The following RTCA variants were observed in gnomAD, a reference collection of about 807,000 sequenced individuals.
RTCA encodes RNA 3'-terminal phosphate cyclase, also known as RNA terminal phosphate cyclase domain 1.
Under a neutral mutation model 46.1 loss-of-function variants are expected in RTCA, and 37 were observed. The ratio of observed to expected loss-of-function variants is 0.80; its 90% CI spans 0.62 to 1.06. The LOEUF (loss-of-function observed/expected upper bound fraction) is 1.06, where lower values mean the gene tolerates loss of function less well. Ranked by LOEUF, RTCA falls within the 50% of genes least tolerant of loss-of-function variation. RTCA has a pLI of 0.00. For synonymous variants in RTCA, 164 were observed against 158.3 expected, an observed-to-expected ratio of 1.04 and a Z score of -0.27; for missense variants, 435 against 455.5, an observed-to-expected ratio of 0.95 and a Z score of 0.41.
At chr1:100,281,798 C>A (rs1252603295) in intron 8 of RTCA, among the ~76,000 whole-genome samples, 1 of 151,902 alleles carries the variant, frequency 6.6e-6, no homozygotes, top group Non-Finnish European at 1.5e-5. Flanking sequence ...CTCACTGCAA[C>A]CTCCGCCTCC....
At chr1:100,281,827 C>T (rs905200518) in intron 8 of RTCA, among the ~76,000 whole-genome samples, 1 of 152,072 alleles carries the variant, frequency 6.6e-6, no homozygotes, top group Non-Finnish European at 1.5e-5. Flanking sequence ...AGCAATCCTC[C>T]CACCGCAGCC....
At chr1:100,284,334 GATA>G (rs1666907913) in intron 8 of RTCA, among the ~76,000 whole-genome samples, 2 of 151,642 alleles carry the variant, frequency 1.3e-5, no homozygotes, top group East Asian at 3.9e-4. Context: ...TATTTTATCT[GATA>G]ATGTTATATG....
chr1:100,287,173 C>T lies in RTCA; in HGVS notation c.969C>T (p.Thr323=), dbSNP rs369616681. 1.1e-5 allele frequency: 17 copies of T among 1,583,664 alleles called. No homozygotes were observed. Among genetic ancestry groups the T allele is most frequent in the South Asian group, 2.3e-5 (2 of 85,794 alleles). Residue 323 remains threonine (T), a synonymous_variant, in exon 10 of 11, where the codon ACC becomes ACT. Transcript: ENST00000370128. ...GACCAGTTACACTCCATACGCAAAC[C>T]GCGATACATTTTGCTGAACAAATAG... The part of the protein sequence containing the change: ...KTGPVTLHTQ[T]AIHFAEQIAK...
chr1:100,266,223 C>T lies in RTCA; in HGVS notation c.-153C>T, dbSNP rs958500407. The stretch of plus-strand genomic sequence containing the variant: ...TTCGTTTCTGCTGACTCCAGTGTCC[C>T]GAGAGGCGCCGCTTCTTCCGCTTTC... On this transcript the variant is annotated 5_prime_UTR_variant, in exon 1 of 11. Transcript: ENST00000370128. 1 of 880,610 alleles carries T rather than the reference C, an allele frequency of 1.1e-6. No homozygotes were observed. 54.5% of individuals were successfully genotyped at this position (880,610 alleles called of 1,614,324 possible).
At chr1:100,266,709 G>A (rs1396678566) in intron 2 of RTCA, 85 bp downstream of exon 2, 9 of 1,174,626 alleles carry the variant, frequency 7.7e-6, no homozygotes, top group Non-Finnish European at 1.1e-5. Flanking sequence ...GGGAGTCCGA[G>A]TGGTGGAACC....
intron 9 of RTCA, among the ~76,000 whole-genome samples, chr1:100,286,548 T>A (rs1222594245): frequency 6.6e-6 from 1 of 152,122 alleles, no homozygotes; most frequent in Non-Finnish European, 1.5e-5. Context: ...AATATTGTTT[T>A]TATGGTCTGT....
Position 100,277,279 on chromosome 1 carries a change from T to A in RTCA, c.762T>A (p.Thr254=). 1 of 1,612,682 alleles carries A rather than the reference T, an allele frequency of 6.2e-7. No homozygotes were observed. The highest frequency in any genetic ancestry group is 8.5e-7 in the Non-Finnish European group (1 of 1,179,504). ...NGIIIIAETS[T]GCLFAGSSLG... Reference sequence around the variant, plus strand: ...ATAGAATTATTGCTGAGACCTCCACTGGCTGTTTGTTTGCTGGATCATCGC... The same window carrying A: ...ATAGAATTATTGCTGAGACCTCCACAGGCTGTTTGTTTGCTGGATCATCGC... Residue 254 remains threonine (T), a synonymous_variant, in exon 8 of 11, where the codon ACT becomes ACA. Coordinates refer to ENST00000370128, the MANE Select transcript of RTCA (RefSeq NM_003729.4).
chr1:100,268,028 G>A (rs1665882866), intron 2 of RTCA, 124 bp from the exon 3 acceptor site: 6 of 1,368,918 alleles, frequency 4.4e-6, no homozygotes, highest in Admixed American at 2.3e-5. Context: ...CACTGAAGAT[G>A]TGGCACTTAC....
At chr1:100,269,891 GTGTTCTCAT>G (rs1665990850) in intron 3 of RTCA, among the ~76,000 whole-genome samples, 1 of 152,048 alleles carries the variant, frequency 6.6e-6, no homozygotes. Flanking sequence ...CTGTGCCCAT[GTGTTCTCAT>G]TGTTCAACTG....
intron 9 of RTCA, among the ~76,000 whole-genome samples, chr1:100,285,621 T>C (rs1338544669): frequency 1.3e-5 from 2 of 152,154 alleles, no homozygotes; most frequent in Non-Finnish European, 2.9e-5. Flanking sequence ...CCTTTGCTAG[T>C]TTATTATGGT....
Position 100,291,455 on chromosome 1 carries a change from C to A in RTCA, c.1052C>A (p.Thr351Asn), listed in dbSNP as rs781053398. 1.2e-6 allele frequency: 2 copies of A among 1,612,268 alleles called. No individual in the cohort carries two copies. Among genetic ancestry groups the A allele is most frequent in the Non-Finnish European group, 1.7e-6 (2 of 1,179,326 alleles). ...GATGAAGAAGACGCCGCTAAAGATA[C>A]TTATATTATTGAATGCCAAGGAATT... Reference protein sequence around the residue: ...SEDEEDAAKDTYIIECQGIGM... With the variant: ...SEDEEDAAKDNYIIECQGIGM... The change falls in exon 11 of 11, where the codon ACT becomes AAT. Residue 351 changes from threonine (T) to asparagine (N), a missense_variant. Coordinates refer to ENST00000370128, the MANE Select transcript of RTCA (RefSeq NM_003729.4).
chr1:100,270,776 C>A, intron 4 of RTCA, 96 bp downstream of exon 4: 1 of 1,362,916 alleles, frequency 7.3e-7, no homozygotes, highest in Non-Finnish European at 1.0e-6. Flanking sequence ...TTGTGACTTT[C>A]TTGTTTATCT....
At chr1:100,281,280 T>C in intron 8 of RTCA, 1 of 534,202 alleles carries the variant, frequency 1.9e-6, no homozygotes, top group South Asian at 1.4e-5. Context: ...TTGTTTTGTC[T>C]GAGAAAATCT....
At chr1:100,270,437 G>C in intron 3 of RTCA, 120 bp from the exon 4 acceptor site, 1 of 1,186,340 alleles carries the variant, frequency 8.4e-7, no homozygotes, top group South Asian at 1.6e-5. Flanking sequence ...GCATATACCT[G>C]CCTTCACAGT....
At chr1:100,277,857 C>T (rs1437549036) in intron 8 of RTCA, among the ~76,000 whole-genome samples, 1 of 151,590 alleles carries the variant, frequency 6.6e-6, no homozygotes, top group African/African-American at 2.4e-5. Context: ...TCTTTTAATA[C>T]ACAATCCTCC....
At chr1:100,290,389 C>A (rs535473989) in intron 10 of RTCA, among the ~76,000 whole-genome samples, 3 of 152,222 alleles carry the variant, frequency 2.0e-5, no homozygotes, top group African/African-American at 7.2e-5. Context: ...TAGGTGTGCA[C>A]CACTGCACCT....
intron 4 of RTCA, 82 bp from the exon 5 acceptor site, chr1:100,273,312 A>T: frequency 1.2e-6 from 1 of 815,350 alleles, no homozygotes; most frequent in Non-Finnish European, 1.9e-6. Flanking sequence ...ACTAGCCAGC[A>T]AAGCGCTTTT....
rs77300480 is a variant in RTCA, at chr1:100,270,665, C to T, written c.399C>T (p.Ile133=). Residue 133 remains isoleucine (I), a synonymous_variant, in exon 4 of 11, where the codon ATC becomes ATT. Coordinates refer to ENST00000370128, the MANE Select transcript of RTCA (RefSeq NM_003729.4). ...CTAATGCTGAAATGGCACCACAGAT[C>T]GATTATACAGTGATGGTAAGGGCTT... is the stretch of plus-strand genomic sequence containing the variant. The part of the protein sequence containing the change: ...GGTNAEMAPQ[I]DYTVMVFKPI... 16,851 of 1,613,852 alleles carry T rather than the reference C, an allele frequency of 0.01. 107 individuals are homozygous for T. Among genetic ancestry groups the T allele is most frequent in the Non-Finnish European group, 0.013 (14,766 of 1,179,878 alleles).
chr1:100,287,843 G>A (rs577869912), intron 10 of RTCA, among the ~76,000 whole-genome samples: 3 of 150,840 alleles, frequency 2.0e-5, no homozygotes, highest in African/African-American at 4.9e-5. Flanking sequence ...GCCCAGGCTG[G>A]AGTGCAATGG....
Sources: gnomAD v4.1 joint callset for allele counts (sites outside exome capture counted in the v4.1 genomes callset) on GRCh38, gnomAD v4.1.1 for gene constraint, MANE v1.5 for transcripts, NCBI Gene and HGNC (gene_info 2026-07-23, HGNC 2026-07-21) for gene names.